Variants in HS6ST3 observed in about 807,000 individuals in gnomAD.
HS6ST3 encodes the protein heparan-sulfate 6-O-sulfotransferase 3.
In HS6ST3, 12 loss-of-function variants were observed where a neutral mutation model predicts 36.7. That is an observed-to-expected ratio of 0.33 (90% CI 0.21 to 0.53). The LOEUF (loss-of-function observed/expected upper bound fraction) is 0.53. Among genes scored for constraint, HS6ST3 ranks in the 20% least tolerant of loss-of-function variants. The pLI is 0.95. For missense variants in HS6ST3, 584 were observed against 640.9 expected (o/e 0.91, Z 0.96); for synonymous variants, 240 against 257.5 (o/e 0.93, Z 0.65).
intron 1 of HS6ST3, among the ~76,000 whole-genome samples, chr13:96,238,291 C>T (rs956346062): frequency 2.6e-5 from 4 of 152,174 alleles, no homozygotes; most frequent in African/African-American, 7.2e-5. Context: ...CCATCAACAT[C>T]CTAAGCCAAG....
At position 96,495,848 on chromosome 13, in the gene HS6ST3, T is replaced by C. The variant is rs369416925; in HGVS notation, c.708-336642T>C. Among the ~76,000 whole-genome samples, 4 of 152,340 alleles carry C rather than the reference T, an allele frequency of 2.6e-5. No individual in the cohort carries two copies. In the East Asian group the frequency reaches 7.7e-4, roughly 29 times the overall value. On this transcript the variant is annotated intron_variant, in intron 1 of 1. Transcript: ENST00000376705. ...ACATCATAAAAAAAATACTCATTAA[T>C]GTTTGGATGTATTCTCCCATATATT...
chr13:96,118,661 T>G (rs1007727533), intron 1 of HS6ST3, among the ~76,000 whole-genome samples: 72 of 3,772 alleles, frequency 0.019, no homozygotes, highest in African/African-American at 0.023. Context: ...TATATATATA[T>G]ATATATATAT....
chr13:96,521,453 G>A (rs1333404311), intron 1 of HS6ST3, among the ~76,000 whole-genome samples: 1 of 152,146 alleles, frequency 6.6e-6, no homozygotes, highest in East Asian at 1.9e-4. Context: ...ACGTCTTGTA[G>A]AATTCGGTTG....
chr13:96,339,381 A>T (rs2055118768), intron 1 of HS6ST3, among the ~76,000 whole-genome samples: 1 of 152,146 alleles, frequency 6.6e-6, no homozygotes, highest in Non-Finnish European at 1.5e-5. Context: ...ATGGGGCCAA[A>T]AAAGAAAAAA....
At chr13:96,599,641 G>T (rs1478654278) in intron 1 of HS6ST3, among the ~76,000 whole-genome samples, 1 of 151,054 alleles carries the variant, frequency 6.6e-6, no homozygotes, top group Non-Finnish European at 1.5e-5. Flanking sequence ...TTTACTGCTG[G>T]TCTCATCTTT....
chr13:96,244,669 C>T (rs1390712103), intron 1 of HS6ST3, among the ~76,000 whole-genome samples: 2 of 152,084 alleles, frequency 1.3e-5, no homozygotes, highest in African/African-American at 2.4e-5. Context: ...AATTCACAGA[C>T]GTGAAGAGGA....
At chr13:96,451,957 G>A (rs967605154) in intron 1 of HS6ST3, among the ~76,000 whole-genome samples, 2 of 152,014 alleles carry the variant, frequency 1.3e-5, no homozygotes, top group African/African-American at 4.8e-5. Context: ...TTTTTGTTTA[G>A]TCTGGTTTTT....
intron 1 of HS6ST3, among the ~76,000 whole-genome samples, chr13:96,637,537 A>G (rs1277873324): frequency 6.6e-6 from 1 of 152,154 alleles, no homozygotes; most frequent in Non-Finnish European, 1.5e-5. Flanking sequence ...GACATAACAA[A>G]TAGTTCATTC....
intron 1 of HS6ST3, among the ~76,000 whole-genome samples, chr13:96,657,738 G>A (rs1280917752): frequency 2.0e-5 from 3 of 152,134 alleles, no homozygotes; most frequent in African/African-American, 7.2e-5. Context: ...TTACATGGCA[G>A]CAGACATGGA....
rs180816769 is a variant in HS6ST3, at chr13:96,146,198, A to G, written c.707+54629A>G. 4.5e-4 allele frequency among the ~76,000 whole-genome samples: 68 copies of G among 152,248 alleles called. No homozygotes were observed. In the East Asian group the frequency reaches 0.013, roughly 29 times the overall value. ...TTTTTCCAATTCTGTTAAGAAAGTC[A>G]TTGGTAGCTTGATGGGGATGGCACT... On this transcript the variant is annotated intron_variant, in intron 1 of 1. Coordinates refer to ENST00000376705, the MANE Select transcript of HS6ST3 (RefSeq NM_153456.4).
At chr13:96,380,819 C>T (rs952698240) in intron 1 of HS6ST3, among the ~76,000 whole-genome samples, 4 of 152,204 alleles carry the variant, frequency 2.6e-5, no homozygotes, top group African/African-American at 4.8e-5. Flanking sequence ...ATTTATTGAA[C>T]GACTGAGTTA....
chr13:96,306,895 A>G (rs757811479), intron 1 of HS6ST3, among the ~76,000 whole-genome samples: 1 of 152,222 alleles, frequency 6.6e-6, no homozygotes, highest in Admixed American at 6.5e-5. Flanking sequence ...ATTTATACCA[A>G]GCAGCTTTTG....
At chr13:96,324,334 C>T (rs1001247396) in intron 1 of HS6ST3, among the ~76,000 whole-genome samples, 1 of 151,992 alleles carries the variant, frequency 6.6e-6, no homozygotes, top group Admixed American at 6.6e-5. Flanking sequence ...TCCAGCACAC[C>T]CGGAGAGCAT....
intron 1 of HS6ST3, among the ~76,000 whole-genome samples, chr13:96,403,129 C>T (rs2055460109): frequency 6.6e-6 from 1 of 152,064 alleles, no homozygotes; most frequent in Admixed American, 6.6e-5. Flanking sequence ...TTTCCATTTC[C>T]CTGTTAACTA....
rs140187636 is a variant in HS6ST3, at chr13:96,100,601, T to C, written c.707+9032T>C. ...GAAGGAGAAACTTCTGGAGAGGAGG[T>C]GTTTGCAGAAAGCAGCCACTGCTAG... On this transcript the variant is annotated intron_variant, in intron 1 of 1. Coordinates refer to ENST00000376705, the MANE Select transcript of HS6ST3 (RefSeq NM_153456.4). Among the ~76,000 whole-genome samples the C allele has an allele frequency of 4.1e-3, 629 of 151,938 alleles. 2 individuals carry two copies. The highest frequency in any genetic ancestry group is 0.015 in the African/African-American group (616 of 41,412).
intron 1 of HS6ST3, among the ~76,000 whole-genome samples, chr13:96,434,491 A>G (rs2055631868): frequency 6.6e-6 from 1 of 152,158 alleles, no homozygotes; most frequent in South Asian, 2.1e-4. Context: ...CTTTACCTGT[A>G]CAACTGATTG....
At chr13:96,623,942 A>T (rs1468318065) in intron 1 of HS6ST3, among the ~76,000 whole-genome samples, 1 of 152,216 alleles carries the variant, frequency 6.6e-6, no homozygotes, top group Non-Finnish European at 1.5e-5. Flanking sequence ...TGAACTTAAG[A>T]TTGCATAATT....
intron 1 of HS6ST3, among the ~76,000 whole-genome samples, chr13:96,655,157 A>G (rs1450451216): frequency 6.6e-6 from 1 of 152,162 alleles, no homozygotes; most frequent in East Asian, 1.9e-4. Context: ...AAGGGAGAGC[A>G]AAATGAGCAT....
intron 1 of HS6ST3, among the ~76,000 whole-genome samples, chr13:96,800,893 T>C (rs1878049651): frequency 6.6e-6 from 1 of 152,114 alleles, no homozygotes. Flanking sequence ...AAAAACACCT[T>C]TGGTGGCCCT....
Sources: gnomAD v4.1 joint callset for allele counts (sites outside exome capture counted in the v4.1 genomes callset) on GRCh38, gnomAD v4.1.1 for gene constraint, MANE v1.5 for transcripts, NCBI Gene and HGNC (gene_info 2026-07-23, HGNC 2026-07-21) for gene names.